The following SLC22A24 variants were observed in gnomAD, a reference collection of about 807,000 sequenced individuals.
SLC22A24 encodes steroid transmembrane transporter SLC22A24.
In SLC22A24, 53 loss-of-function variants were observed where a neutral mutation model predicts 49.8. The ratio of observed to expected loss-of-function variants is 1.06; its 90% CI spans 0.85 to 1.34. The LOEUF (loss-of-function observed/expected upper bound fraction) is 1.34, where lower values mean the gene tolerates loss of function less well. Among genes scored for constraint, SLC22A24 ranks in the 40% most tolerant of loss-of-function variants. The pLI is 0.00. For synonymous variants in SLC22A24, 302 were observed against 256.4 expected (o/e 1.18, Z -1.70); for missense variants, 786 against 675.9 (o/e 1.16, Z -1.81).
At chr11:63,103,137 A>G (rs1590734942) in intron 5 of SLC22A24, among the ~76,000 whole-genome samples, 1 of 152,128 alleles carries the variant, frequency 6.6e-6, no homozygotes, top group African/African-American at 2.4e-5. Context: ...GGATGAAATC[A>G]TTTGGGGCCA....
At chr11:63,116,017 C>T (rs2087210554) in intron 4 of SLC22A24, 2 of 331,864 alleles carry the variant, frequency 6.0e-6, no homozygotes, top group Admixed American at 7.2e-5. Context: ...TGGGCAAGAG[C>T]CTACTTCCCA....
intron 4 of SLC22A24, among the ~76,000 whole-genome samples, chr11:63,117,770 T>G (rs746945937): frequency 6.6e-6 from 1 of 152,222 alleles, no homozygotes; most frequent in African/African-American, 2.4e-5. Flanking sequence ...AGAATATGTG[T>G]TAATAACTGT....
At chr11:63,100,626 A>G (rs2087084731) in intron 5 of SLC22A24, among the ~76,000 whole-genome samples, 1 of 152,114 alleles carries the variant, frequency 6.6e-6, no homozygotes, top group African/African-American at 2.4e-5. Flanking sequence ...AAAGAATAAA[A>G]CTGGAGGAAT....
chr11:63,080,046 A>C (rs17157721), intron 9 of SLC22A24, 46 bp from the exon 10 acceptor site: 11 of 1,255,440 alleles, frequency 8.8e-6, no homozygotes, highest in Non-Finnish European at 1.3e-5. Context: ...GAAACAAAAA[A>C]TAAATAAGAT....
chr11:63,086,516 C>G (rs1412455562), intron 6 of SLC22A24, among the ~76,000 whole-genome samples: 1 of 152,074 alleles, frequency 6.6e-6, no homozygotes, highest in African/African-American at 2.4e-5. Context: ...AAGAGAAAAA[C>G]AAAAATAATC....
At chr11:63,116,116 G>T in intron 4 of SLC22A24, 1 of 421,360 alleles carries the variant, frequency 2.4e-6, no homozygotes, top group Non-Finnish European at 4.1e-6. Context: ...GGCTTTATGA[G>T]GGCCTTGATA....
chr11:63,134,623 T>A (rs1259337053), intron 2 of SLC22A24, 42 bp downstream of exon 2: 1 of 1,111,998 alleles, frequency 9.0e-7, no homozygotes, highest in Non-Finnish European at 1.3e-6. Context: ...AATGAATATA[T>A]CATCTGATAA....
intron 2 of SLC22A24, among the ~76,000 whole-genome samples, chr11:63,123,677 G>A (rs145277299): frequency 1.3e-4 from 20 of 152,244 alleles, no homozygotes; most frequent in African/African-American, 4.3e-4. Context: ...TTGCTTGGGC[G>A]AAAAGCCTAT....
chr11:63,114,119 G>C (rs1349895512), intron 4 of SLC22A24, among the ~76,000 whole-genome samples: 2 of 151,942 alleles, frequency 1.3e-5, no homozygotes, highest in African/African-American at 4.8e-5. Flanking sequence ...CTCCTTTCTG[G>C]GTTGGGGAAA....
intron 1 of SLC22A24, among the ~76,000 whole-genome samples, chr11:63,136,986 G>C (rs922324787): frequency 6.6e-6 from 1 of 152,192 alleles, no homozygotes; most frequent in East Asian, 1.9e-4. Flanking sequence ...GTCTGCATTG[G>C]TGAGTATCCT....
chr11:63,104,763 G>A (rs112621169), intron 4 of SLC22A24, among the ~76,000 whole-genome samples: 5,968 of 152,006 alleles, frequency 0.039, 172 homozygotes, highest in Non-Finnish European at 0.063. Flanking sequence ...TTCAATTATC[G>A]CCCACTGGGT....
chr11:63,087,826 G>C (rs1317963645), intron 6 of SLC22A24, among the ~76,000 whole-genome samples: 15 of 152,092 alleles, frequency 9.9e-5, no homozygotes, highest in Admixed American at 9.8e-4. Flanking sequence ...GGCTGGGCAT[G>C]GTAAAGTGGC....
intron 1 of SLC22A24, among the ~76,000 whole-genome samples, chr11:63,141,379 G>C (rs548070885): frequency 6.6e-6 from 1 of 152,134 alleles, no homozygotes; most frequent in Admixed American, 6.6e-5. Context: ...TGCTATCTTC[G>C]TTGGGTTTTG....
chr11:63,106,645 A>C (rs1328159485), intron 4 of SLC22A24, among the ~76,000 whole-genome samples: 2 of 152,170 alleles, frequency 1.3e-5, no homozygotes, highest in Non-Finnish European at 2.9e-5. Flanking sequence ...ATGGTATCGC[A>C]TCATGGTTTT....
At chr11:63,108,885 G>T (rs528954000) in intron 4 of SLC22A24, among the ~76,000 whole-genome samples, 2 of 141,472 alleles carry the variant, frequency 1.4e-5, no homozygotes, top group Admixed American at 7.3e-5. Context: ...TAGGGTACAT[G>T]TGCACATTGT....
rs1166406572 is a variant in SLC22A24 at position 63,113,155 on chromosome 11, T to C, written c.830+5757A>G. ...ATATATATACACATATATATATACA[T>C]ATATATATACACATATATATACATA... On this transcript the variant is annotated intron_variant, in intron 4 of 9. Coordinates refer to ENST00000612278, the MANE Select transcript of SLC22A24 (RefSeq NM_001136506.2). Among the ~76,000 whole-genome samples, 73 of 7,716 alleles carry C rather than the reference T, an allele frequency of 9.5e-3. 28 individuals carry two copies. Among genetic ancestry groups the C allele is most frequent in the Admixed American group, 0.017 (4 of 238 alleles). The allele number at this position is 7,716 out of a possible 152,430, so 5.1% of individuals were successfully genotyped here.
intron 4 of SLC22A24, among the ~76,000 whole-genome samples, chr11:63,112,804 G>C (rs1474841548): frequency 6.6e-6 from 1 of 151,458 alleles, no homozygotes; most frequent in Non-Finnish European, 1.5e-5. Flanking sequence ...ACGAGGTCAG[G>C]AGATTGAGAC....
chr11:63,095,237 A>G (rs533818485), intron 6 of SLC22A24, among the ~76,000 whole-genome samples: 63 of 152,026 alleles, frequency 4.1e-4, no homozygotes, highest in Non-Finnish European at 6.8e-4. Flanking sequence ...CCAGTTTGGA[A>G]TATTGATTGA....
At chr11:63,119,364 C>T in intron 2 of SLC22A24, 29 bp from the exon 3 acceptor site, 1 of 1,486,944 alleles carries the variant, frequency 6.7e-7, no homozygotes, top group Non-Finnish European at 9.0e-7. Flanking sequence ...GATAACGTTA[C>T]TTAGGAACAA....
Sources: allele counts gnomAD v4.1 joint callset (sites outside exome capture counted in the v4.1 genomes callset), GRCh38; gene constraint gnomAD v4.1.1; transcripts MANE v1.5; gene names NCBI Gene and HGNC (gene_info 2026-07-23, HGNC 2026-07-21).